DNM3: variants seen among roughly 807,000 people sequenced by gnomAD.
DNM3 encodes the protein dynamin 3, also known as dynamin-3.
Under a neutral mutation model 101.6 loss-of-function variants are expected in DNM3, and 47 were observed. The ratio of observed to expected loss-of-function variants is 0.46; its 90% CI spans 0.37 to 0.59. The LOEUF (loss-of-function observed/expected upper bound fraction) is 0.59, where lower values mean the gene tolerates loss of function less well. Among genes scored for constraint, DNM3 ranks in the 20% least tolerant of loss-of-function variants. The probability of loss-of-function intolerance (pLI) is 0.00; values close to 1 mark genes in which losing one functional copy is unlikely to be tolerated. For synonymous variants in DNM3, 385 were observed against 387.9 expected (o/e 0.99, Z 0.09); for missense variants, 849 against 1,085.7 (o/e 0.78, Z 3.06).
intron 15 of DNM3, among the ~76,000 whole-genome samples, chr1:172,304,324 C>T (rs2064664305): frequency 6.7e-6 from 1 of 150,346 alleles, no homozygotes; most frequent in African/African-American, 2.5e-5. Context: ...ATCAATTCAA[C>T]AAGTAGAGCT....
rs1215001368 is a variant in DNM3, at chr1:172,092,863, A to T, written c.1533A>T (p.Thr511=). 6.4e-7 allele frequency: 1 copy of T among 1,559,898 alleles called. No individual in the cohort carries two copies. Among genetic ancestry groups the T allele is most frequent in the Non-Finnish European group, 8.7e-7 (1 of 1,150,924 alleles). Residue 511 remains threonine, a synonymous_variant, in exon 13 of 21, where the codon ACA becomes ACT. Coordinates refer to ENST00000627582, the MANE Select transcript of DNM3 (RefSeq NM_015569.5). ...QRSSQVHKKT[T]VGNQVIRKGW... is the part of the protein sequence containing the mutation. ...GCAGTCAGGTTCACAAGAAAACCAC[A>T]GTTGGAAATCAGGTAGGAATTGCAT...
intron 15 of DNM3, among the ~76,000 whole-genome samples, chr1:172,286,346 C>T (rs899219485): frequency 2.0e-5 from 3 of 152,186 alleles, no homozygotes; most frequent in East Asian, 1.9e-4. Context: ...TTGTGGTTCT[C>T]TCTGCTTTCT....
chr1:171,924,566 G>A (rs2040413801), intron 2 of DNM3, among the ~76,000 whole-genome samples: 1 of 152,102 alleles, frequency 6.6e-6, no homozygotes, highest in South Asian at 2.1e-4. Flanking sequence ...CAAAGGGGAG[G>A]AGCCCCTTAA....
intron 4 of DNM3, among the ~76,000 whole-genome samples, chr1:172,030,627 G>C (rs1184820566): frequency 2.0e-5 from 3 of 151,950 alleles, no homozygotes; most frequent in African/African-American, 7.3e-5. Context: ...TACAGAATAG[G>C]AGAAAATTTT....
In DNM3 at chr1:172,117,537, G is replaced by A. The variant is rs900738360; in HGVS notation, c.1546-13638G>A. On this transcript the variant is annotated intron_variant, in intron 13 of 20. Transcript: ENST00000627582. Reference sequence around the variant, plus strand: ...TCCTCATTTTTTTCTCGCAGCCACCGTGTAAGAAGTGCCTTTCATCTCCCA... The same window carrying A: ...TCCTCATTTTTTTCTCGCAGCCACCATGTAAGAAGTGCCTTTCATCTCCCA... 5.3e-5 allele frequency among the ~76,000 whole-genome samples: 8 copies of A among 152,112 alleles called. No individual in the cohort carries two copies. The South Asian group carries it at 6.2e-4, about 12-fold the overall frequency.
At chr1:172,283,332 A>C (rs910421595) in intron 15 of DNM3, among the ~76,000 whole-genome samples, 5 of 152,166 alleles carry the variant, frequency 3.3e-5, no homozygotes, top group African/African-American at 1.2e-4. Context: ...CTAGAACTGG[A>C]CACAGTGGTT....
intron 9 of DNM3, 89 bp from the exon 10 acceptor site, chr1:172,048,523 T>G: frequency 7.1e-7 from 1 of 1,413,424 alleles, no homozygotes; most frequent in Middle Eastern, 1.8e-4. Context: ...TTAATTTAAA[T>G]GGAATGTTAA....
chr1:172,194,663 T>C (rs2059879840), intron 14 of DNM3, among the ~76,000 whole-genome samples: 1 of 152,110 alleles, frequency 6.6e-6, no homozygotes, highest in African/African-American at 2.4e-5. Flanking sequence ...GTCTGCTTTA[T>C]CAGAGACTAG....
intron 14 of DNM3, chr1:172,139,610 C>T (rs2057455886): frequency 6.6e-6 from 1 of 152,312 alleles, no homozygotes; most frequent in Admixed American, 6.5e-5. Context: ...AAGTTATCCA[C>T]CTCTTAATTA....
intron 13 of DNM3, among the ~76,000 whole-genome samples, chr1:172,114,115 G>A (rs151255160): frequency 1.5e-4 from 23 of 152,262 alleles, no homozygotes; most frequent in Non-Finnish European, 3.2e-4. Context: ...TCAGTGTAGA[G>A]AATTAAAATT....
chr1:172,281,635 T>G (rs997433329), intron 15 of DNM3, among the ~76,000 whole-genome samples: 2 of 152,202 alleles, frequency 1.3e-5, no homozygotes, highest in African/African-American at 4.8e-5. Context: ...TTATTGTTAC[T>G]TTTTAAAATA....
chr1:171,928,436 C>G (rs373131397), intron 2 of DNM3, among the ~76,000 whole-genome samples: 1 of 151,970 alleles, frequency 6.6e-6, no homozygotes, highest in South Asian at 2.1e-4. Context: ...CCTGGGGGCT[C>G]CACCCCAGAG....
rs1279870665 is a variant in DNM3 at position 171,988,963 on chromosome 1, T to C, written c.404T>C (p.Ile135Thr). 6 of 1,594,318 alleles carry C rather than the reference T, an allele frequency of 3.8e-6. No homozygotes were observed. Among genetic ancestry groups the C allele is most frequent in the Non-Finnish European group, 5.1e-6 (6 of 1,169,462 alleles). Residue 135 changes from isoleucine to threonine, a missense_variant, in exon 4 of 21, where the codon ATT (isoleucine) becomes ACT (threonine). This residue lies in a region of DNM3 where 388 missense variants were observed against 483.0 expected (regional missense o/e 0.80). Transcript: ENST00000627582. ...CACACAGTGTTAAATCTAACCCTTA[T>C]TGATCTACCTGGAATAACTAAAGTG... ...YSPHVLNLTL[I>T]DLPGITKVPV...
chr1:172,247,963 T>C (rs963666472), intron 14 of DNM3, among the ~76,000 whole-genome samples: 4 of 152,042 alleles, frequency 2.6e-5, no homozygotes, highest in African/African-American at 9.7e-5. Context: ...GGATTACAGG[T>C]GTGAGCCACC....
At chr1:172,075,514 T>A (rs1164207809) in intron 11 of DNM3, among the ~76,000 whole-genome samples, 1 of 152,214 alleles carries the variant, frequency 6.6e-6, no homozygotes, top group Non-Finnish European at 1.5e-5. Context: ...GGTGTCCAGT[T>A]TCAGTCTTCT....
chr1:172,296,334 C>A (rs2064159347), intron 15 of DNM3, among the ~76,000 whole-genome samples: 1 of 152,240 alleles, frequency 6.6e-6, no homozygotes, highest in Non-Finnish European at 1.5e-5. Flanking sequence ...TCCTTCTGGA[C>A]CCCTTGGCAG....
At position 172,162,534 on chromosome 1, in the gene DNM3, T is replaced by C. The variant is rs958756732; in HGVS notation, c.1659+31246T>C. ...AGAGAGATGGCTGACAGCTTTCTTA[T>C]GTATTTCTCCTGCTTTAAACGTATT... On this transcript the variant is annotated intron_variant, in intron 14 of 20. Transcript: ENST00000627582. 3.3e-5 allele frequency among the ~76,000 whole-genome samples: 5 copies of C among 152,210 alleles called. No homozygotes were observed. In the East Asian group the frequency reaches 9.7e-4, roughly 29 times the overall value.
chr1:172,044,360 A>G (rs975404605), intron 8 of DNM3, 25 bp from the exon 9 acceptor site: 14 of 1,589,780 alleles, frequency 8.8e-6, no homozygotes. Flanking sequence ...AAGTGTCATA[A>G]CTATGGCTCA....
chr1:172,084,001 C>G lies in DNM3; in HGVS notation c.1493+2099C>G, dbSNP rs572402759. On this transcript the variant is annotated intron_variant, in intron 12 of 20. Coordinates refer to ENST00000627582, the MANE Select transcript of DNM3 (RefSeq NM_015569.5). ...GCATAGGTAAAACTGCTTTAGAAAG[C>G]CAGCAACTCTACACATTTCTCATCT... Among the ~76,000 whole-genome samples, 17 of 152,204 alleles carry G rather than the reference C, an allele frequency of 1.1e-4. No homozygotes were observed. In the East Asian group the frequency reaches 3.3e-3, roughly 29 times the overall value.
Sources: allele counts gnomAD v4.1 joint callset (sites outside exome capture counted in the v4.1 genomes callset), GRCh38; gene constraint gnomAD v4.1.1; regional missense constraint gnomAD v4.1.1; transcripts MANE v1.5; gene names NCBI Gene and HGNC (gene_info 2026-07-23, HGNC 2026-07-21).